The following FBXL2 variants were observed in gnomAD, a reference collection of about 807,000 sequenced individuals.
FBXL2 encodes the protein F-box and leucine rich repeat protein 2.
FBXL2 carries 38 observed loss-of-function variants against 69.2 expected under a neutral mutation model. The observed-to-expected ratio is 0.55, with a 90% CI of 0.42 to 0.72. The LOEUF (loss-of-function observed/expected upper bound fraction) is 0.72, where lower values mean the gene tolerates loss of function less well. Ranked by LOEUF, FBXL2 falls within the 30% of genes least tolerant of loss-of-function variation. The pLI is 0.00. For missense variants in FBXL2, 354 were observed against 520.3 expected (o/e 0.68, Z 3.11); for synonymous variants, 192 against 201.3 (o/e 0.95, Z 0.39).
intron 14 of FBXL2, among the ~76,000 whole-genome samples, 164 bp from the exon 15 acceptor site, chr3:33,385,337 A>G (rs1278440498): frequency 1.3e-5 from 2 of 152,206 alleles, no homozygotes; most frequent in African/African-American, 2.4e-5. Context: ...AATGGGGGGC[A>G]GACGGTGCGG....
At chr3:33,372,954 G>A (rs984628996) in intron 5 of FBXL2, 138 bp from the exon 6 acceptor site, 11 of 755,432 alleles carry the variant, frequency 1.5e-5, no homozygotes, top group Non-Finnish European at 2.1e-5. Context: ...AATCTGCACT[G>A]TGACAAGAAC....
At chr3:33,354,088 T>C (rs2041021298) in intron 2 of FBXL2, among the ~76,000 whole-genome samples, 1 of 152,188 alleles carries the variant, frequency 6.6e-6, no homozygotes, top group South Asian at 2.1e-4. Flanking sequence ...TTAATAATAA[T>C]GTATCAATTT....
At chr3:33,299,723 CTG>C (rs2036095223) in intron 2 of FBXL2, among the ~76,000 whole-genome samples, 2 of 152,020 alleles carry the variant, frequency 1.3e-5, no homozygotes, top group African/African-American at 2.4e-5. Context: ...ATTAAAAAAA[CTG>C]AGACAGGATT....
chr3:33,316,380 AAT>A (rs1345611856), intron 2 of FBXL2, among the ~76,000 whole-genome samples: 2 of 152,020 alleles, frequency 1.3e-5, no homozygotes, highest in Non-Finnish European at 2.9e-5. Context: ...CCTCCTGCGT[AAT>A]GTTTTTATTC....
chr3:33,409,143 T>C, the FBXL2 span: 1 of 1,245,806 alleles, frequency 8.0e-7, no homozygotes, highest in South Asian at 1.4e-5. Context: ...CCACCCAATC[T>C]TCCCCAACCC....
downstream of FBXL2, chr3:33,392,716 T>C: frequency 9.2e-7 from 1 of 1,086,130 alleles, no homozygotes; most frequent in Non-Finnish European, 1.3e-6. Context: ...AACACAGGAC[T>C]CAATGGCCAA....
At chr3:33,277,358 C>A, upstream of FBXL2, 1 of 759,334 alleles carries the variant, frequency 1.3e-6, no homozygotes, top group Non-Finnish European at 1.8e-6. Flanking sequence ...CCAAAGGGCA[C>A]CGCCCCTGCG....
At chr3:33,408,583 T>C (rs2044492517), downstream of FBXL2, 2 of 772,968 alleles carry the variant, frequency 2.6e-6, no homozygotes, top group Non-Finnish European at 4.0e-6. Context: ...AATCAAGACA[T>C]GGACATCAAA....
chr3:33,340,253 C>T (rs2039911420), intron 2 of FBXL2, among the ~76,000 whole-genome samples: 1 of 151,800 alleles, frequency 6.6e-6, no homozygotes, highest in South Asian at 2.1e-4. Context: ...ATTTGTATAC[C>T]TTAGTGGATG....
chr3:33,362,256 C>T (rs890918737), intron 4 of FBXL2, among the ~76,000 whole-genome samples: 2 of 152,178 alleles, frequency 1.3e-5, no homozygotes, highest in African/African-American at 4.8e-5. Flanking sequence ...AAAACTTGGA[C>T]ATTTTGTTGT....
chr3:33,279,494 C>T (rs1157862438), intron 1 of FBXL2, among the ~76,000 whole-genome samples: 2 of 152,312 alleles, frequency 1.3e-5, no homozygotes, highest in African/African-American at 2.4e-5. Context: ...TGGTCTCCAT[C>T]TCTTGACCTT....
chr3:33,400,866 A>G, intron 12 of FBXL2: 4 of 1,227,726 alleles, frequency 3.3e-6, no homozygotes, highest in Non-Finnish European at 3.5e-6. Flanking sequence ...ACATGTAACA[A>G]AACTTCTCAC....
intron 13 of FBXL2, among the ~76,000 whole-genome samples, chr3:33,381,230 A>G (rs1000536585): frequency 5.3e-5 from 8 of 152,208 alleles, no homozygotes; most frequent in Middle Eastern, 3.2e-3. Flanking sequence ...TAACTTCTTG[A>G]TTTCTGAATT....
chr3:33,296,311 C>G (rs1025218228), intron 1 of FBXL2, among the ~76,000 whole-genome samples: 1 of 152,192 alleles, frequency 6.6e-6, no homozygotes, highest in Non-Finnish European at 1.5e-5. Context: ...AGCTATCCAC[C>G]TGCCTTGGCC....
rs1405310119 is a variant in FBXL2, at chr3:33,402,900, G to A, written n.1215-334G>A. 1 of 1,606,782 alleles carries A rather than the reference G, an allele frequency of 6.2e-7. No individual in the cohort carries two copies. Among genetic ancestry groups the A allele is most frequent in the Admixed American group, 1.7e-5 (1 of 58,888 alleles). ...GGCTGTGGGGGCATCGGGCCACGGA[G>A]AACACTAAGGACAGAAACAGAAATA... On this transcript the variant is annotated intron_variant and non_coding_transcript_variant, in intron 12 of 12. Coordinates refer to the FBXL2 transcript ENST00000463736.
At chr3:33,323,187 T>G (rs1205822848) in intron 2 of FBXL2, among the ~76,000 whole-genome samples, 1 of 152,232 alleles carries the variant, frequency 6.6e-6, no homozygotes, top group Non-Finnish European at 1.5e-5. Flanking sequence ...TTAGGCTTAA[T>G]ATAGTTTCAT....
downstream of FBXL2, among the ~76,000 whole-genome samples, chr3:33,403,908 T>C (rs976603683): frequency 6.6e-6 from 1 of 152,148 alleles, no homozygotes; most frequent in African/African-American, 2.4e-5. Flanking sequence ...CTTCTCTCAT[T>C]TTACACAAGA....
Position 33,277,518 on chromosome 3 carries a change from G to C in FBXL2, c.3+3G>C. On this transcript the variant is annotated splice_donor_region_variant and intron_variant, in intron 1 of 14. Coordinates refer to ENST00000484457, the MANE Select transcript of FBXL2 (RefSeq NM_012157.5). Reference sequence around the variant, plus strand: ...TCGCTCGCGGCTCTTCGGCCATGGTGAGTCTGGGACCCGCGTCTGCCTAGC... The same window carrying C: ...TCGCTCGCGGCTCTTCGGCCATGGTCAGTCTGGGACCCGCGTCTGCCTAGC... 7.7e-7 allele frequency: 1 copy of C among 1,305,070 alleles called. No individual in the cohort carries two copies. Among genetic ancestry groups the C allele is most frequent in the Non-Finnish European group, 9.8e-7 (1 of 1,018,428 alleles). The allele number at this position is 1,305,070 out of a possible 1,614,324, so 80.8% of individuals were successfully genotyped here. A position where few individuals can be genotyped will look rare whatever the true frequency, so the allele number is the denominator to read the frequency against.
At chr3:33,289,950 T>G (rs1197842170) in intron 1 of FBXL2, among the ~76,000 whole-genome samples, 2 of 152,082 alleles carry the variant, frequency 1.3e-5, no homozygotes, top group Non-Finnish European at 2.9e-5. Flanking sequence ...TATCTAGGCT[T>G]TTACTGAGGA....
Sources: gnomAD v4.1 joint callset for allele counts (sites outside exome capture counted in the v4.1 genomes callset) on GRCh38, gnomAD v4.1.1 for gene constraint, MANE v1.5 for transcripts, NCBI Gene and HGNC (gene_info 2026-07-23, HGNC 2026-07-21) for gene names.